Variants in SKI observed in about 807,000 individuals in gnomAD.
The protein encoded by SKI is SKI proto-oncogene.
A neutral mutation model predicts 59.3 loss-of-function variants in SKI; 23 were observed. The ratio of observed to expected loss-of-function variants is 0.39; its 90% CI spans 0.28 to 0.55. The LOEUF (loss-of-function observed/expected upper bound fraction) is 0.55. SKI is among the 20% of genes least tolerant of loss of function. The pLI is 0.67. For synonymous variants in SKI, 673 were observed against 488.6 expected, an observed-to-expected ratio of 1.38 and a Z score of -4.98; for missense variants, 1,017 against 1,038.9, an observed-to-expected ratio of 0.98 and a Z score of 0.29.
chr1:2,290,083 A>C (rs1244275806), intron 1 of SKI, among the ~76,000 whole-genome samples: 5 of 152,046 alleles, frequency 3.3e-5, no homozygotes. Context: ...CCTGTTGGTC[A>C]GGGATGTTCC....
intron 1 of SKI, among the ~76,000 whole-genome samples, chr1:2,287,663 G>T (rs139555485): frequency 1.3e-5 from 2 of 152,042 alleles, no homozygotes; most frequent in African/African-American, 4.8e-5. Context: ...AGGGTCTGCC[G>T]CAGGGGGGGT....
At chr1:2,237,742 A>T (rs1286066268) in intron 1 of SKI, among the ~76,000 whole-genome samples, 2 of 152,378 alleles carry the variant, frequency 1.3e-5, no homozygotes, top group Middle Eastern at 6.8e-3. Context: ...AATAAGGCCC[A>T]TAGGCTGGGT....
chr1:2,306,303 T>TGGGCCCC (rs1640575432), intron 6 of SKI, 53 bp downstream of exon 6: 1 of 1,442,332 alleles, frequency 6.9e-7, no homozygotes, highest in Non-Finnish European at 9.3e-7. Flanking sequence ...GGAGCCGCCG[T>TGGGCCCC]GGGCCCCGGT....
chr1:2,275,380 T>A (rs1639718726), intron 1 of SKI, among the ~76,000 whole-genome samples: 1 of 152,242 alleles, frequency 6.6e-6, no homozygotes, highest in Non-Finnish European at 1.5e-5. Flanking sequence ...TGCCCCAGCC[T>A]CTGGGGGCTT....
At chr1:2,247,998 G>C (rs534576268) in intron 1 of SKI, 1 of 152,700 alleles carries the variant, frequency 6.5e-6, no homozygotes, top group Non-Finnish European at 1.5e-5. Context: ...GTGGTGACGG[G>C]GGGGCGCGGT....
chr1:2,244,497 T>C (rs1468856192), intron 1 of SKI, among the ~76,000 whole-genome samples: 2 of 152,124 alleles, frequency 1.3e-5, no homozygotes, highest in Non-Finnish European at 2.9e-5. Context: ...GGAGAATAGC[T>C]TGAACCTGGG....
At position 2,307,766 on chromosome 1, in the gene SKI, C is replaced by G; in HGVS notation, c.*1001C>G. 6.6e-6 allele frequency: 1 copy of G among 152,578 alleles called. No individual in the cohort carries two copies. The highest frequency in any genetic ancestry group is 2.1e-4 in the South Asian group (1 of 4,832). 9.5% of individuals were successfully genotyped at this position (152,578 alleles called of 1,614,324 possible). A position where few individuals can be genotyped will look rare whatever the true frequency, so the allele number is the denominator to read the frequency against. On this transcript the variant is annotated 3_prime_UTR_variant, in exon 7 of 7. Transcript: ENST00000378536. Reference sequence around the variant, plus strand: ...TTGTCCACAACCTTCCCTTCTCTTTCTATTCCCCAGTGAACTGAGGTTTTT... The same window carrying G: ...TTGTCCACAACCTTCCCTTCTCTTTGTATTCCCCAGTGAACTGAGGTTTTT...
intron 1 of SKI, among the ~76,000 whole-genome samples, chr1:2,289,379 G>A (rs537858722): frequency 4.0e-4 from 61 of 152,248 alleles, no homozygotes; most frequent in African/African-American, 1.2e-3. Flanking sequence ...GCCAGTCTTC[G>A]AGGGCTGGTC....
chr1:2,285,732 T>C (rs575548768), intron 1 of SKI, among the ~76,000 whole-genome samples: 13 of 150,836 alleles, frequency 8.6e-5, no homozygotes, highest in African/African-American at 3.2e-4. Flanking sequence ...CCCAGCCAAT[T>C]TTTGTATTTG....
chr1:2,289,833 G>A (rs1363324993), intron 1 of SKI, among the ~76,000 whole-genome samples: 4 of 152,118 alleles, frequency 2.6e-5, no homozygotes, highest in African/African-American at 7.2e-5. Context: ...GGCTGGCCTG[G>A]CCTCCCTCTG....
chr1:2,309,326 T>C lies in SKI; in HGVS notation c.*2561T>C, dbSNP rs981017309. 2.0e-5 allele frequency: 3 copies of C among 152,136 alleles called. No homozygotes were observed. Among genetic ancestry groups the C allele is most frequent in the Admixed American group, 1.3e-4 (2 of 15,276 alleles). The allele number at this position is 152,136 out of a possible 1,614,324, so 9.4% of individuals were successfully genotyped here. On this transcript the variant is annotated 3_prime_UTR_variant, in exon 7 of 7. Coordinates refer to ENST00000378536, the MANE Select transcript of SKI (RefSeq NM_003036.4). ...CAGTTTAATTCTCATTATATTTCTA[T>C]ACTGAAAGAAGATTTTTAACGAAGG...
In SKI at chr1:2,258,503, C is replaced by CT. The variant is rs779297545; in HGVS notation, c.969+28784dup. ...CAGGTTTATCAGGAGTGTCATTTTC[C>CT]TTTTTTTTTTTTTTTTCTCCCATGA... On this transcript the variant is annotated intron_variant, in intron 1 of 6. Coordinates refer to ENST00000378536, the MANE Select transcript of SKI (RefSeq NM_003036.4). Among the ~76,000 whole-genome samples the CT allele has an allele frequency of 3.1e-3, 420 of 134,916 alleles. 2 individuals carry two copies. Among genetic ancestry groups the CT allele is most frequent in the African/African-American group, 4.3e-3 (160 of 36,852 alleles). 88.5% of individuals were successfully genotyped at this position (134,916 alleles called of 152,430 possible).
chr1:2,235,082 G>T (rs1245915288), intron 1 of SKI, among the ~76,000 whole-genome samples: 1 of 145,934 alleles, frequency 6.9e-6, no homozygotes, highest in Non-Finnish European at 1.5e-5. Flanking sequence ...TGTTTCTGTT[G>T]CCCAGGCTGG....
At chr1:2,289,503 G>A (rs1268824399) in intron 1 of SKI, among the ~76,000 whole-genome samples, 1 of 143,370 alleles carries the variant, frequency 7.0e-6, no homozygotes, top group African/African-American at 2.5e-5. Context: ...TCGTGGGGGT[G>A]GGGGGGTGCA....
chr1:2,264,857 G>A (rs889362164), intron 1 of SKI, among the ~76,000 whole-genome samples: 4 of 151,672 alleles, frequency 2.6e-5, no homozygotes, highest in African/African-American at 4.9e-5. Flanking sequence ...TGTCACCCAG[G>A]CTGAAGTGCA....
chr1:2,276,800 C>T (rs1639752892), intron 1 of SKI, among the ~76,000 whole-genome samples: 1 of 152,150 alleles, frequency 6.6e-6, no homozygotes, highest in Non-Finnish European at 1.5e-5. Flanking sequence ...ACTTAGGAAC[C>T]CCGATGAAGA....
At chr1:2,292,692 A>G (rs745385043) in intron 1 of SKI, among the ~76,000 whole-genome samples, 14 of 152,076 alleles carry the variant, frequency 9.2e-5, no homozygotes, top group South Asian at 2.1e-4. Context: ...AGGGAGGGAG[A>G]GAGGAAGGCC....
intron 1 of SKI, among the ~76,000 whole-genome samples, chr1:2,289,136 C>T (rs1396859540): frequency 1.3e-5 from 2 of 152,176 alleles, no homozygotes; most frequent in African/African-American, 4.8e-5. Context: ...CTGCCCCTCC[C>T]CGAGGAGCAG....
intron 1 of SKI, among the ~76,000 whole-genome samples, chr1:2,292,501 C>T (rs527492274): frequency 2.6e-5 from 4 of 152,306 alleles, no homozygotes; most frequent in African/African-American, 9.6e-5. Flanking sequence ...GAGACCCCAC[C>T]TCGAGAGCTC....
Sources: allele counts gnomAD v4.1 joint callset (sites outside exome capture counted in the v4.1 genomes callset), GRCh38; gene constraint gnomAD v4.1.1; transcripts MANE v1.5; gene names NCBI Gene and HGNC (gene_info 2026-07-23, HGNC 2026-07-21).